Variants in ARHGEF18 observed in about 807,000 individuals in gnomAD.
ARHGEF18 encodes the protein rho guanine nucleotide exchange factor 18.
ARHGEF18 carries 93 observed loss-of-function variants against 155.7 expected under a neutral mutation model. The observed-to-expected ratio is 0.60, with a 90% CI of 0.50 to 0.71. The LOEUF is 0.71. Ranked by LOEUF, ARHGEF18 falls within the 30% of genes least tolerant of loss-of-function variation. The probability of loss-of-function intolerance (pLI) is 0.00; values close to 1 mark genes in which losing one functional copy is unlikely to be tolerated. For missense variants in ARHGEF18, 1,593 were observed against 1,816.1 expected (o/e 0.88, Z 2.23); for synonymous variants, 742 against 753.1 (o/e 0.99, Z 0.24).
At chr19:7,439,579 CCCCTGTTG>C in intron 10 of ARHGEF18, 1 of 680,652 alleles carries the variant, frequency 1.5e-6, no homozygotes, top group Non-Finnish European at 1.8e-6. Context: ...CGGTTTGCAG[CCCCTGTTG>C]ATGTTGGGTT....
downstream of ARHGEF18, among the ~76,000 whole-genome samples, chr19:7,473,937 C>T (rs550916769): frequency 4.0e-5 from 6 of 150,384 alleles, no homozygotes; most frequent in South Asian, 6.3e-4. Context: ...GAGCTATGAT[C>T]GTGCCACTGC....
chr19:7,380,869 G>A, intron 7 of ARHGEF18, 48 bp from the exon 8 acceptor site: 1 of 1,192,384 alleles, frequency 8.4e-7, no homozygotes, highest in South Asian at 4.3e-5. Flanking sequence ...GTAGGTGAGT[G>A]GGAGAAGAGG....
At chr19:7,417,251 C>T (rs142169030) in intron 10 of ARHGEF18, among the ~76,000 whole-genome samples, 1 of 152,234 alleles carries the variant, frequency 6.6e-6, no homozygotes, top group African/African-American at 2.4e-5. Context: ...TGGGGCTTCA[C>T]TGAGAAGGTG....
At chr19:7,420,542 C>A (rs965939775) in intron 10 of ARHGEF18, among the ~76,000 whole-genome samples, 3 of 152,208 alleles carry the variant, frequency 2.0e-5, no homozygotes, top group Non-Finnish European at 4.4e-5. Flanking sequence ...CGTGAGCCCC[C>A]ACGCCGGGCC....
intron 1 of ARHGEF18, among the ~76,000 whole-genome samples, chr19:7,350,309 G>A (rs1403465677): frequency 6.6e-6 from 1 of 152,204 alleles, no homozygotes; most frequent in Non-Finnish European, 1.5e-5. Flanking sequence ...AGAGAGGATG[G>A]AGCTAGGAAG....
chr19:7,388,400 T>A (rs1405792546), intron 10 of ARHGEF18, among the ~76,000 whole-genome samples: 1 of 151,758 alleles, frequency 6.6e-6, no homozygotes, highest in Non-Finnish European at 1.5e-5. Context: ...GGTCTGTAAG[T>A]GCTCTAAACC....
At chr19:7,447,229 G>A (rs562874967) in intron 15 of ARHGEF18, 61 bp downstream of exon 15, 38 of 1,487,956 alleles carry the variant, frequency 2.6e-5, no homozygotes, top group East Asian at 7.7e-5. Flanking sequence ...AGTGGCTCAC[G>A]CCTGTAATCC....
chr19:7,469,230 C>G (rs918169741), intron 27 of ARHGEF18, 99 bp downstream of exon 27: 11 of 1,382,666 alleles, frequency 8.0e-6, no homozygotes, highest in Non-Finnish European at 1.1e-5. Context: ...CCTGTGCCAT[C>G]CTCTGGAGAG....
chr19:7,469,256 C>G, intron 27 of ARHGEF18, 125 bp downstream of exon 27: 2 of 1,238,440 alleles, frequency 1.6e-6, no homozygotes, highest in South Asian at 1.6e-5. Flanking sequence ...CCAGAAGGCA[C>G]AGCTGGCATC....
At chr19:7,426,624 C>G (rs1973683245) in intron 10 of ARHGEF18, among the ~76,000 whole-genome samples, 1 of 152,148 alleles carries the variant, frequency 6.6e-6, no homozygotes. Flanking sequence ...ACCTCCACCT[C>G]AGTTTTCCCC....
At chr19:7,446,013 C>T (rs895310209) in intron 14 of ARHGEF18, among the ~76,000 whole-genome samples, 33 of 152,092 alleles carry the variant, frequency 2.2e-4, no homozygotes, top group African/African-American at 7.0e-4. Context: ...AGCAAAGCCC[C>T]GAAGCAGAAG....
chr19:7,376,922 T>G (rs1210872130), intron 5 of ARHGEF18, among the ~76,000 whole-genome samples, 165 bp downstream of exon 5: 1 of 152,082 alleles, frequency 6.6e-6, no homozygotes, highest in Non-Finnish European at 1.5e-5. Flanking sequence ...TAGGGTCCCC[T>G]GGGCAGGGAC....
intron 10 of ARHGEF18, among the ~76,000 whole-genome samples, chr19:7,417,058 C>T (rs1289002618): frequency 1.3e-5 from 2 of 152,046 alleles, no homozygotes; most frequent in African/African-American, 2.4e-5. Context: ...TACAGGCACG[C>T]ACCACCACAC....
intron 8 of ARHGEF18, 118 bp downstream of exon 8, chr19:7,381,112 C>T: frequency 1.4e-6 from 1 of 726,036 alleles, no homozygotes; most frequent in Non-Finnish European, 1.9e-6. Context: ...CCCATCAGGG[C>T]AATGGTGGGA....
chr19:7,421,815 C>T (rs115423715), intron 10 of ARHGEF18, among the ~76,000 whole-genome samples: 1,549 of 152,182 alleles, frequency 0.01, 27 homozygotes, highest in African/African-American at 0.035. Flanking sequence ...ACTCCACGCA[C>T]GTCTCAACAG....
intron 3 of ARHGEF18, among the ~76,000 whole-genome samples, chr19:7,374,084 TG>T (rs1438977092): frequency 1.3e-5 from 2 of 152,064 alleles, no homozygotes; most frequent in African/African-American, 4.8e-5. Flanking sequence ...AATCTAATGC[TG>T]CCACTCATAT....
chr19:7,468,893 G>A lies in ARHGEF18; in HGVS notation c.3549G>A (p.Leu1183=). The part of the protein sequence containing the change: ...EGLEGPRVSM[L]PSGVGPEYAE... Reference sequence around the variant, plus strand: ...TGGAGGGCCCTCGTGTGAGCATGCTGCCATCCGGCGTGGGGCCAGAGTACG... The same window carrying A: ...TGGAGGGCCCTCGTGTGAGCATGCTACCATCCGGCGTGGGGCCAGAGTACG... The change falls in exon 27 of 29, where the codon CTG becomes CTA. Residue 1183 remains leucine, a synonymous_variant. Transcript: ENST00000668164. 6.4e-7 allele frequency: 1 copy of A among 1,574,176 alleles called. No individual in the cohort carries two copies. Among genetic ancestry groups the A allele is most frequent in the South Asian group, 1.2e-5 (1 of 86,334 alleles).
intron 2 of ARHGEF18, among the ~76,000 whole-genome samples, chr19:7,368,454 T>C (rs1970043130): frequency 6.6e-6 from 1 of 152,128 alleles, no homozygotes; most frequent in Non-Finnish European, 1.5e-5. Context: ...GCCCAAGATA[T>C]GTCAGAACAA....
At chr19:7,433,408 G>A (rs1974076215) in intron 10 of ARHGEF18, among the ~76,000 whole-genome samples, 1 of 148,728 alleles carries the variant, frequency 6.7e-6, no homozygotes, top group Non-Finnish European at 1.5e-5. Context: ...CGGGGTTGCA[G>A]TGAGCCAAGA....
Sources: allele counts gnomAD v4.1 joint callset (sites outside exome capture counted in the v4.1 genomes callset), GRCh38; gene constraint gnomAD v4.1.1; transcripts MANE v1.5; gene names NCBI Gene and HGNC (gene_info 2026-07-23, HGNC 2026-07-21).